The following CCDC85A variants were observed in gnomAD, a reference collection of about 807,000 sequenced individuals.
CCDC85A encodes coiled-coil domain-containing protein 85A.
In CCDC85A, 38 loss-of-function variants were observed where a neutral mutation model predicts 50.2. The ratio of observed to expected loss-of-function variants is 0.76; its 90% CI spans 0.58 to 0.99. CCDC85A has a LOEUF of 0.99. CCDC85A is among the 50% of genes least tolerant of loss of function. The probability of loss-of-function intolerance (pLI) is 0.00; values close to 1 mark genes in which losing one functional copy is unlikely to be tolerated. For missense variants in CCDC85A, 820 were observed against 742.0 expected (o/e 1.11, Z -1.22); for synonymous variants, 366 against 301.4 (o/e 1.21, Z -2.22).
chr2:56,211,415 T>G (rs1487542278), intron 2 of CCDC85A, among the ~76,000 whole-genome samples: 1 of 152,046 alleles, frequency 6.6e-6, no homozygotes, highest in Non-Finnish European at 1.5e-5. Context: ...CATTTTTTTA[T>G]TCTGGGGAGT....
At chr2:56,283,580 C>G (rs1671299536) in intron 2 of CCDC85A, among the ~76,000 whole-genome samples, 1 of 152,118 alleles carries the variant, frequency 6.6e-6, no homozygotes, top group African/African-American at 2.4e-5. Flanking sequence ...AACTTTTAAA[C>G]ATAAAATGGT....
At chr2:56,329,179 A>G (rs921823914) in intron 2 of CCDC85A, among the ~76,000 whole-genome samples, 5 of 152,096 alleles carry the variant, frequency 3.3e-5, no homozygotes, top group African/African-American at 4.8e-5. Context: ...GCTCATTGCC[A>G]TCTTAGGGAC....
intron 2 of CCDC85A, among the ~76,000 whole-genome samples, chr2:56,280,329 A>G (rs896624274): frequency 1.3e-5 from 2 of 152,200 alleles, no homozygotes; most frequent in African/African-American, 4.8e-5. Flanking sequence ...TATAAGAGCA[A>G]TTTAGATCTT....
chr2:56,327,248 T>C (rs989570158), intron 2 of CCDC85A, among the ~76,000 whole-genome samples: 1 of 152,168 alleles, frequency 6.6e-6, no homozygotes, highest in Non-Finnish European at 1.5e-5. Context: ...AACCCAGGAA[T>C]TGTGGGTGTT....
chr2:56,333,135 TGAAGTC>T (rs1312889296), intron 2 of CCDC85A, among the ~76,000 whole-genome samples: 1 of 152,182 alleles, frequency 6.6e-6, no homozygotes. Flanking sequence ...TAGAAGGTGT[TGAAGTC>T]TTTTGATGAA....
chr2:56,322,728 C>T (rs981242827), intron 2 of CCDC85A, among the ~76,000 whole-genome samples: 6 of 152,152 alleles, frequency 3.9e-5, no homozygotes, highest in Non-Finnish European at 8.8e-5. Context: ...TTGTGCAAGA[C>T]AGTGTGGTGA....
At chr2:56,297,693 G>A (rs1672017690) in intron 2 of CCDC85A, among the ~76,000 whole-genome samples, 1 of 152,180 alleles carries the variant, frequency 6.6e-6, no homozygotes, top group Non-Finnish European at 1.5e-5. Flanking sequence ...ACAAAGGGCA[G>A]TGGACAAAGT....
chr2:56,331,174 A>G (rs1049577996), intron 2 of CCDC85A, among the ~76,000 whole-genome samples: 1 of 152,182 alleles, frequency 6.6e-6, no homozygotes, highest in Non-Finnish European at 1.5e-5. Flanking sequence ...GGAGCTAAGT[A>G]ATGTGTACAC....
intron 3 of CCDC85A, among the ~76,000 whole-genome samples, chr2:56,370,036 T>TC (rs1224428911): frequency 6.6e-6 from 1 of 152,074 alleles, no homozygotes; most frequent in African/African-American, 2.4e-5. Context: ...AGTGTTAGGG[T>TC]CATTCAGGGA....
At chr2:56,365,052 T>C (rs558656053) in intron 3 of CCDC85A, among the ~76,000 whole-genome samples, 1 of 152,290 alleles carries the variant, frequency 6.6e-6, no homozygotes, top group Admixed American at 6.5e-5. Context: ...CTCCTGCATG[T>C]CATGTTGGAC....
intron 2 of CCDC85A, among the ~76,000 whole-genome samples, chr2:56,288,557 A>G (rs1473989191): frequency 6.6e-6 from 1 of 152,034 alleles, no homozygotes. Context: ...TTGATGTGTG[A>G]GACATAATTA....
intron 4 of CCDC85A, among the ~76,000 whole-genome samples, chr2:56,375,235 A>T (rs777213282): frequency 1.5e-4 from 23 of 152,224 alleles, no homozygotes; most frequent in Admixed American, 2.6e-4. Flanking sequence ...GAACCACTAA[A>T]CTAAAAATAT....
intron 2 of CCDC85A, among the ~76,000 whole-genome samples, chr2:56,221,292 T>C (rs1250026415): frequency 6.6e-6 from 1 of 152,112 alleles, no homozygotes; most frequent in Non-Finnish European, 1.5e-5. Context: ...ATACACTTAC[T>C]ATGTAGTAGA....
At chr2:56,201,028 G>A (rs1676711955) in intron 2 of CCDC85A, among the ~76,000 whole-genome samples, 2 of 151,122 alleles carry the variant, frequency 1.3e-5, no homozygotes, top group Admixed American at 6.6e-5. Context: ...GGGAAAAAGA[G>A]TGGATTTGGT....
chr2:56,226,734 C>G (rs747426989), intron 2 of CCDC85A, among the ~76,000 whole-genome samples: 1 of 152,044 alleles, frequency 6.6e-6, no homozygotes, highest in Non-Finnish European at 1.5e-5. Context: ...TCCTACTCTT[C>G]CCATCCGCTT....
At chr2:56,198,397 A>G (rs538886536) in intron 2 of CCDC85A, among the ~76,000 whole-genome samples, 70 of 152,332 alleles carry the variant, frequency 4.6e-4, no homozygotes, top group African/African-American at 1.6e-3. Flanking sequence ...TGTTGTGTGA[A>G]CTGACAGATG....
chr2:56,330,277 C>T (rs1337640266), intron 2 of CCDC85A, among the ~76,000 whole-genome samples: 1 of 152,112 alleles, frequency 6.6e-6, no homozygotes, highest in African/African-American at 2.4e-5. Context: ...CAATTTATTG[C>T]CACCTTCCTG....
Position 56,338,543 on chromosome 2 carries a change from C to G in CCDC85A, c.1241-4336C>G, listed in dbSNP as rs1674196115. On this transcript the variant is annotated intron_variant, in intron 2 of 5. Coordinates refer to ENST00000407595, the MANE Select transcript of CCDC85A (RefSeq NM_001080433.2). ...AATTTTTCCTAATGATTAGCTATGA[C>G]TGAGATGTGGATTTGGATGTGACTT... Among the ~76,000 whole-genome samples the G allele has an allele frequency of 2.0e-5, 3 of 152,228 alleles. No homozygotes were observed. In the South Asian group the frequency reaches 6.2e-4, roughly 32 times the overall value.
chr2:56,323,044 A>G (rs1270143523), intron 2 of CCDC85A, among the ~76,000 whole-genome samples: 1 of 152,260 alleles, frequency 6.6e-6, no homozygotes, highest in South Asian at 2.1e-4. Context: ...TGTTGCAAGG[A>G]CAGAAAACCA....
Sources: gnomAD v4.1 joint callset for allele counts (sites outside exome capture counted in the v4.1 genomes callset) on GRCh38, gnomAD v4.1.1 for gene constraint, MANE v1.5 for transcripts, NCBI Gene and HGNC (gene_info 2026-07-23, HGNC 2026-07-21) for gene names.